Variants in GLCE observed in about 807,000 individuals in gnomAD.
GLCE encodes glucuronic acid epimerase, also known as D-glucuronyl C5-epimerase.
In GLCE, 19 loss-of-function variants were observed where a neutral mutation model predicts 47.9. The ratio of observed to expected loss-of-function variants is 0.40; its 90% confidence interval spans 0.28 to 0.58. GLCE has a LOEUF of 0.58. Ranked by LOEUF, GLCE falls within the 20% of genes least tolerant of loss-of-function variation. The pLI is 0.48. For missense variants in GLCE, 556 were observed against 743.3 expected, an observed-to-expected ratio of 0.75 and a Z score of 2.93; for synonymous variants, 245 against 263.4, an observed-to-expected ratio of 0.93 and a Z score of 0.68.
chr15:69,227,823 A>T (rs889500979), intron 2 of GLCE, among the ~76,000 whole-genome samples: 7 of 152,244 alleles, frequency 4.6e-5, no homozygotes, highest in Admixed American at 2.6e-4. Context: ...ATTTTTATAC[A>T]TGAGAAAATT....
At chr15:69,240,783 AGAGAT>A (rs2052660157) in intron 2 of GLCE, among the ~76,000 whole-genome samples, 1 of 152,186 alleles carries the variant, frequency 6.6e-6, no homozygotes, top group South Asian at 2.1e-4. Flanking sequence ...AAGGGGGAGA[AGAGAT>A]GAAAAAAGAA....
At chr15:69,217,638 C>T (rs1018100069) in intron 2 of GLCE, among the ~76,000 whole-genome samples, 1 of 152,102 alleles carries the variant, frequency 6.6e-6, no homozygotes, top group Admixed American at 6.6e-5. Context: ...TTATTAATTT[C>T]ACTTTCATTG....
intron 4 of GLCE, among the ~76,000 whole-genome samples, chr15:69,265,753 G>A (rs905517045): frequency 2.6e-5 from 4 of 152,066 alleles, no homozygotes; most frequent in East Asian, 1.9e-4. Context: ...TCCAGCTTCC[G>A]AAATTCTGGG....
At chr15:69,211,173 GACTT>G (rs1303240466) in intron 2 of GLCE, among the ~76,000 whole-genome samples, 1 of 151,988 alleles carries the variant, frequency 6.6e-6, no homozygotes, top group African/African-American at 2.4e-5. Flanking sequence ...TTTAAAATAA[GACTT>G]AATGTTAGCA....
rs375039126 is a variant in GLCE, at chr15:69,175,043, A to T, written c.-105+14286A>T. On this transcript the variant is annotated intron_variant, in intron 1 of 4. Coordinates refer to ENST00000261858, the MANE Select transcript of GLCE (RefSeq NM_015554.3). Reference sequence around the variant, plus strand: ...TTTACTGAGGCTTGAAAACTACTTAATGAAATTAAAATTTACAGACTCGGT... The same window carrying T: ...TTTACTGAGGCTTGAAAACTACTTATTGAAATTAAAATTTACAGACTCGGT... Among the ~76,000 whole-genome samples, 4 of 152,144 alleles carry T rather than the reference A, an allele frequency of 2.6e-5. No homozygotes were observed. The East Asian group carries it at 7.7e-4, about 29-fold the overall frequency.
chr15:69,200,650 T>C (rs1003273638), intron 1 of GLCE, among the ~76,000 whole-genome samples: 23 of 152,146 alleles, frequency 1.5e-4, no homozygotes, highest in Admixed American at 6.6e-5. Flanking sequence ...TTAAATCTTT[T>C]ATTGAACCAG....
At position 69,270,920 on chromosome 15, in the gene GLCE, G is replaced by A. The variant is rs191629069; in HGVS notation, c.*1676G>A. The A allele has an allele frequency of 1.3e-5, 2 of 152,256 alleles. No homozygotes were observed. The highest frequency in any genetic ancestry group is 1.3e-4 in the Admixed American group (2 of 15,282). 9.4% of individuals were successfully genotyped at this position (152,256 alleles called of 1,614,324 possible). A position where few individuals can be genotyped will look rare whatever the true frequency, so the allele number is the denominator to read the frequency against. ...CTTTTGACCTTTGCATTTCATATATGTTAGATGTCTCAGCAAGAATATCTG... is the reference window on the plus strand; with the variant it reads ...CTTTTGACCTTTGCATTTCATATATATTAGATGTCTCAGCAAGAATATCTG... On this transcript the variant is annotated 3_prime_UTR_variant, in exon 5 of 5. Coordinates refer to ENST00000261858, the MANE Select transcript of GLCE (RefSeq NM_015554.3).
At chr15:69,255,705 A>T in intron 2 of GLCE, 89 bp from the exon 3 acceptor site, 1 of 781,940 alleles carries the variant, frequency 1.3e-6, no homozygotes, top group Non-Finnish European at 2.0e-6. Flanking sequence ...GTTGTTCAAC[A>T]TTAAAAAAAA....
intron 1 of GLCE, among the ~76,000 whole-genome samples, chr15:69,203,187 T>C (rs2052100300): frequency 6.6e-6 from 1 of 152,228 alleles, no homozygotes; most frequent in Admixed American, 6.5e-5. Context: ...AAAATTCTTA[T>C]TAATTGGCAA....
rs964113558 is a variant in GLCE, at chr15:69,272,031, G to A, written c.*2787G>A. 3 of 152,610 alleles carry A rather than the reference G, an allele frequency of 2.0e-5. No individual in the cohort carries two copies. Among genetic ancestry groups the A allele is most frequent in the Non-Finnish European group, 2.9e-5 (2 of 68,028 alleles). The allele number at this position is 152,610 out of a possible 1,614,324, so 9.5% of individuals were successfully genotyped here. A position where few individuals can be genotyped will look rare whatever the true frequency, so the allele number is the denominator to read the frequency against. ...CTTCTGAAGGGTAGTCCTTTGTAAA[G>A]CTGTACAGACTTTGCAGTTTAAGCA... On this transcript the variant is annotated 3_prime_UTR_variant, in exon 5 of 5. Transcript: ENST00000261858.
chr15:69,240,160 T>G (rs2140417007), intron 2 of GLCE, among the ~76,000 whole-genome samples: 1 of 152,222 alleles, frequency 6.6e-6, no homozygotes, highest in Non-Finnish European at 1.5e-5. Context: ...ATTATATACT[T>G]CCTGATGAAG....
At chr15:69,266,456 A>T (rs2053087816) in intron 4 of GLCE, among the ~76,000 whole-genome samples, 1 of 152,062 alleles carries the variant, frequency 6.6e-6, no homozygotes, top group South Asian at 2.1e-4. Context: ...CCTCCCAAGT[A>T]CCTAGGACTA....
intron 2 of GLCE, among the ~76,000 whole-genome samples, chr15:69,213,935 T>G (rs1193992736): frequency 6.6e-6 from 1 of 152,158 alleles, no homozygotes; most frequent in Non-Finnish European, 1.5e-5. Flanking sequence ...AATTCTGTTG[T>G]TATTTATTTT....
At chr15:69,185,312 C>G (rs183524603) in intron 1 of GLCE, among the ~76,000 whole-genome samples, 2 of 152,222 alleles carry the variant, frequency 1.3e-5, no homozygotes, top group East Asian at 3.9e-4. Context: ...GAATCTGTAC[C>G]TCCTTATAAC....
intron 1 of GLCE, among the ~76,000 whole-genome samples, chr15:69,186,455 A>G (rs1274425028): frequency 6.6e-6 from 1 of 152,240 alleles, no homozygotes; most frequent in Non-Finnish European, 1.5e-5. Flanking sequence ...CTAATATGAA[A>G]GAAATCTGAT....
At chr15:69,192,477 C>T (rs1265416064) in intron 1 of GLCE, among the ~76,000 whole-genome samples, 1 of 151,994 alleles carries the variant, frequency 6.6e-6, no homozygotes, top group Non-Finnish European at 1.5e-5. Flanking sequence ...TTTGTTATAG[C>T]TGTTTTAATG....
chr15:69,201,441 A>G (rs999346812), intron 1 of GLCE, among the ~76,000 whole-genome samples: 1 of 151,926 alleles, frequency 6.6e-6, no homozygotes, highest in Non-Finnish European at 1.5e-5. Flanking sequence ...GGTAAACAAG[A>G]CAGACATAGT....
At chr15:69,250,497 C>T (rs779409646) in intron 2 of GLCE, among the ~76,000 whole-genome samples, 8 of 151,958 alleles carry the variant, frequency 5.3e-5, no homozygotes, top group Non-Finnish European at 1.0e-4. Flanking sequence ...TAACCTTCCC[C>T]TTCTTAGTTT....
At chr15:69,197,272 C>A in intron 1 of GLCE, 1 of 345,528 alleles carries the variant, frequency 2.9e-6, no homozygotes, top group Non-Finnish European at 5.8e-6. Flanking sequence ...CTTCTTCAAG[C>A]ATCTCAGCAA....
Sources: allele counts gnomAD v4.1 joint callset (sites outside exome capture counted in the v4.1 genomes callset), GRCh38; gene constraint gnomAD v4.1.1; transcripts MANE v1.5; gene names NCBI Gene and HGNC (gene_info 2026-07-23, HGNC 2026-07-21).